Variants in ART3 observed in about 807,000 individuals in gnomAD.
The protein encoded by ART3 is ecto-ADP-ribosyltransferase 3.
ART3 carries 49 observed loss-of-function variants against 48.5 expected under a neutral mutation model. The observed-to-expected ratio is 1.01, with a 90% CI of 0.80 to 1.28. The LOEUF (loss-of-function observed/expected upper bound fraction) is 1.28, where lower values mean the gene tolerates loss of function less well. ART3 is among the 50% of genes most tolerant of loss of function. ART3 has a pLI of 0.00. For synonymous variants in ART3, 145 were observed against 157.2 expected, an observed-to-expected ratio of 0.92 and a Z score of 0.58; for missense variants, 438 against 454.3, an observed-to-expected ratio of 0.96 and a Z score of 0.33.
At chr4:76,101,821 G>T (rs1727388771) in intron 8 of ART3, among the ~76,000 whole-genome samples, 1 of 152,204 alleles carries the variant, frequency 6.6e-6, no homozygotes, top group Non-Finnish European at 1.5e-5. Context: ...TTACTGGCGA[G>T]ATTATAAATT....
At chr4:76,056,318 G>A (rs1418049915) in intron 1 of ART3, among the ~76,000 whole-genome samples, 1 of 152,124 alleles carries the variant, frequency 6.6e-6, no homozygotes, top group Non-Finnish European at 1.5e-5. Context: ...AGCTTCTAAG[G>A]GTTAAACTAG....
In ART3 at chr4:76,042,004, C is replaced by T. The variant is rs553447788; in HGVS notation, c.-10+30684C>T. ...CTTTTTTATTGTTTCCAGAATTGGA[C>T]TACTTTATTTTATTTTCCCAGGTTC... On this transcript the variant is annotated intron_variant, in intron 1 of 9. Coordinates refer to the ART3 transcript ENST00000341029. 6.3e-4 allele frequency among the ~76,000 whole-genome samples: 96 copies of T among 152,230 alleles called. 1 individual carries two copies. Among genetic ancestry groups the T allele is most frequent in the African/African-American group, 2.3e-3 (94 of 41,554 alleles).
chr4:76,055,281 G>A (rs904040639), intron 1 of ART3, among the ~76,000 whole-genome samples: 4 of 152,238 alleles, frequency 2.6e-5, no homozygotes, highest in Non-Finnish European at 5.9e-5. Flanking sequence ...GTATGTGGTG[G>A]TAACTGGATG....
intron 1 of ART3, among the ~76,000 whole-genome samples, chr4:76,055,140 C>CT (rs1357071045): frequency 6.6e-6 from 1 of 152,178 alleles, no homozygotes; most frequent in Non-Finnish European, 1.5e-5. Flanking sequence ...ACCTAGCTTA[C>CT]TTTCTGTGTT....
At chr4:76,075,797 A>T in intron 1 of ART3, 84 bp from the exon 2 acceptor site, 1 of 1,039,596 alleles carries the variant, frequency 9.6e-7, no homozygotes, top group Non-Finnish European at 1.4e-6. Flanking sequence ...TTCTAAATGA[A>T]AAAATACGCA....
chr4:76,016,716 C>T (rs986119035), intron 1 of ART3, among the ~76,000 whole-genome samples: 5 of 152,188 alleles, frequency 3.3e-5, no homozygotes, highest in Admixed American at 6.5e-5. Context: ...GAGCCAGGGA[C>T]TGGAGTCAAA....
rs1220412789 is a variant in ART3, at chr4:76,112,374, T to G, written c.1037-12T>G. 6.2e-7 allele frequency: 1 copy of G among 1,611,484 alleles called. No homozygotes were observed. The highest frequency in any genetic ancestry group is 1.1e-5 in the South Asian group (1 of 90,528). On this transcript the variant is annotated splice_polypyrimidine_tract_variant and intron_variant, in intron 11 of 11. Transcript: ENST00000355810. Reference sequence around the variant, plus strand: ...AAATGATGTGTCAGTGACTGTGTATTCTTGTTAACAGCTCCAGGTCCAGTT... The same window carrying G: ...AAATGATGTGTCAGTGACTGTGTATGCTTGTTAACAGCTCCAGGTCCAGTT...
chr4:76,088,834 A>G (rs1362548673), intron 3 of ART3, among the ~76,000 whole-genome samples: 2 of 152,182 alleles, frequency 1.3e-5, no homozygotes, highest in Admixed American at 6.5e-5. Context: ...AGACACCGCC[A>G]TACTTGATAT....
At chr4:76,027,286 A>G (rs1212491329) in intron 1 of ART3, among the ~76,000 whole-genome samples, 1 of 152,152 alleles carries the variant, frequency 6.6e-6, no homozygotes, top group African/African-American at 2.4e-5. Flanking sequence ...AAACTTTATG[A>G]TCAGTACCAA....
intron 8 of ART3, among the ~76,000 whole-genome samples, chr4:76,102,822 T>C (rs1226675368): frequency 1.3e-5 from 2 of 152,054 alleles, no homozygotes; most frequent in Non-Finnish European, 2.9e-5. Context: ...CTATAACGTA[T>C]TATATAGTTA....
intron 1 of ART3, among the ~76,000 whole-genome samples, chr4:76,048,293 T>C (rs1735706579): frequency 6.6e-6 from 1 of 151,834 alleles, no homozygotes; most frequent in Admixed American, 6.6e-5. Flanking sequence ...AGCTGCAGGA[T>C]AGTATTATAA....
intron 2 of ART3, among the ~76,000 whole-genome samples, chr4:76,079,710 T>G (rs1033116173): frequency 6.6e-6 from 1 of 151,824 alleles, no homozygotes; most frequent in African/African-American, 2.4e-5. Context: ...GAAGCCATAA[T>G]GGGGAGGGTT....
In ART3 at chr4:76,104,622, A is replaced by G. The variant is rs111458996; in HGVS notation, c.996A>G (p.Pro332=). The change falls in exon 10 of 12, where the codon CCA becomes CCG. Residue 332 remains proline (P), a synonymous_variant. Coordinates refer to ENST00000355810, the MANE Select transcript of ART3 (RefSeq NM_001130016.3). ...IPGMKIPEPF[P]LPEDKSQGNI... ...GAATGAAAATTCCAGAACCTTTTCC[A>G]CTACCTGGTAAGCAACTGATAGGCA... The G allele has an allele frequency of 1.1e-3, 1,765 of 1,551,564 alleles. 20 individuals carry two copies. In the African/African-American group the frequency reaches 0.02, roughly 18 times the overall value.
At chr4:76,078,042 G>A (rs1354015917) in intron 2 of ART3, among the ~76,000 whole-genome samples, 8 of 150,110 alleles carry the variant, frequency 5.3e-5, no homozygotes, top group African/African-American at 1.7e-4. Flanking sequence ...CCATATTTTT[G>A]TAAGAAATTT....
At chr4:76,112,132 G>A (rs371473466) in intron 11 of ART3, 53 of 401,092 alleles carry the variant, frequency 1.3e-4, no homozygotes, top group African/African-American at 9.1e-4. Flanking sequence ...TGGGAATCAG[G>A]TTACATGTAG....
At chr4:76,037,740 A>G (rs948998161) in intron 1 of ART3, among the ~76,000 whole-genome samples, 2 of 152,178 alleles carry the variant, frequency 1.3e-5, no homozygotes, top group Non-Finnish European at 2.9e-5. Context: ...TACATCAACC[A>G]TCAATAATAT....
upstream of ART3, among the ~76,000 whole-genome samples, chr4:76,072,837 G>A (rs1720463967): frequency 6.6e-6 from 1 of 151,960 alleles, no homozygotes; most frequent in South Asian, 2.1e-4. Context: ...GCATATTCTT[G>A]TCTCAGGGCT....
At position 76,112,687 on chromosome 4, in the gene ART3, T is replaced by A; in HGVS notation, c.*168T>A. On this transcript the variant is annotated 3_prime_UTR_variant, in exon 12 of 12. Transcript: ENST00000355810. ...CAAATTCAGAAAGTTGGTCCAGATA[T>A]ATGTCACAGAACTTTTCACTTGTAT... 1.4e-6 allele frequency: 1 copy of A among 732,782 alleles called. No homozygotes were observed. The highest frequency in any genetic ancestry group is 2.0e-6 in the Non-Finnish European group (1 of 488,816). 45.4% of individuals were successfully genotyped at this position (732,782 alleles called of 1,614,324 possible).
intron 1 of ART3, among the ~76,000 whole-genome samples, chr4:76,031,705 T>C (rs1733884811): frequency 6.6e-6 from 1 of 152,254 alleles, no homozygotes; most frequent in African/African-American, 2.4e-5. Flanking sequence ...ATTCCTCTGC[T>C]GTAAATTCCT....
Sources: allele counts gnomAD v4.1 joint callset (sites outside exome capture counted in the v4.1 genomes callset), GRCh38; gene constraint gnomAD v4.1.1; transcripts MANE v1.5; gene names NCBI Gene and HGNC (gene_info 2026-07-23, HGNC 2026-07-21).